The following PNCK variants were observed in gnomAD, a reference collection of about 807,000 sequenced individuals.
PNCK encodes the protein pregnancy up-regulated nonubiquitous CaM kinase.
In PNCK, 21 loss-of-function variants were observed where a neutral mutation model predicts 28.3. The ratio of observed to expected loss-of-function variants is 0.74; its 90% CI spans 0.53 to 1.07. The LOEUF is 1.07. PNCK is among the 50% of genes least tolerant of loss of function. The pLI, the probability that PNCK is intolerant of heterozygous loss-of-function variation, is 0.00. For synonymous variants in PNCK, 136 were observed against 125.2 expected, an observed-to-expected ratio of 1.09 and a Z score of -0.58; for missense variants, 250 against 298.3, an observed-to-expected ratio of 0.84 and a Z score of 1.19.
intron 1 of PNCK, among the ~76,000 whole-genome samples, chrX:153,680,301 A>G (rs1376495946): frequency 9.5e-6 from 1 of 105,056 alleles, no homozygotes; most frequent in East Asian, 3.0e-4. Flanking sequence ...TCCTCACAAT[A>G]ATGAGTGAGT....
At chrX:153,675,567 GC>G (rs34440507), upstream of PNCK, among the ~76,000 whole-genome samples, 3,139 of 111,146 alleles carry the variant, frequency 0.028, 117 homozygotes, top group African/African-American at 0.095. Flanking sequence ...TCTCACTGTC[GC>G]CCAGGCTGGA....
In PNCK at chrX:153,685,796, G is replaced by A. The variant is rs1183803966; in HGVS notation, c.-3+1635C>T. Among the ~76,000 whole-genome samples, 8 of 113,510 alleles carry A rather than the reference G, an allele frequency of 7.0e-5. No individual in the cohort carries two copies. In the Admixed American group the frequency reaches 7.4e-4, roughly 10 times the overall value. On this transcript the variant is annotated intron_variant, in intron 1 of 3. Coordinates refer to the PNCK transcript ENST00000419804. ...TCAGGAGGGTCCCTCTGGCTGCTCA[G>A]AGAATGCAGTTTGGGGTCTGGCCCA...
chrX:153,671,717 C>T (rs782517550), intron 5 of PNCK, 45 bp from the exon 6 acceptor site: 117 of 1,165,743 alleles, frequency 1.0e-4, no homozygotes, highest in Admixed American at 1.5e-4. Context: ...AGTCCTGACG[C>T]GGTGCCGGTG....
At position 153,672,889 on chromosome X, in the gene PNCK, T is replaced by TCA. The variant is rs782006845; in HGVS notation, c.68+118_68+119dup. The TCA allele has an allele frequency of 2.0e-4, 188 of 930,865 alleles. No individual in the cohort carries two copies. In the African/African-American group the frequency reaches 2.6e-3, roughly 13 times the overall value. 76.7% of individuals were successfully genotyped at this position (930,865 alleles called of 1,213,427 possible). A position where few individuals can be genotyped will look rare whatever the true frequency, so the allele number is the denominator to read the frequency against. ...CTCACATTCACACACCCCTACATATTCACACACACACACATCATCTCACAC... is the reference window on the plus strand; with the variant it reads ...CTCACATTCACACACCCCTACATATTCACACACACACACACATCATCTCACAC... On this transcript the variant is annotated intron_variant, in intron 2 of 11. Transcript: ENST00000340888.
upstream of PNCK, chrX:153,674,065 C>A (rs782792925): frequency 6.6e-6 from 8 of 1,206,672 alleles, no homozygotes; most frequent in East Asian, 2.4e-4. Flanking sequence ...GGCTGTCTCC[C>A]GGAGAGCTCT....
At chrX:153,675,746 G>A (rs1216417187), upstream of PNCK, among the ~76,000 whole-genome samples, 2 of 110,480 alleles carry the variant, frequency 1.8e-5, no homozygotes, top group African/African-American at 3.3e-5. Context: ...GGCTGGTCTC[G>A]AACTCCTGAC....
At position 153,670,650 on chromosome X, in the gene PNCK, C is replaced by G. The variant is rs2091283458; in HGVS notation, c.895-56G>C. The stretch of plus-strand genomic sequence containing the variant: ...CTGGGCCCAGGCCCCAGCCCCTAGA[C>G]TGTGAGGACTGCAGTGGTCACTGGG... On this transcript the variant is annotated intron_variant, in intron 10 of 11. Transcript: ENST00000340888. The G allele has an allele frequency of 3.3e-6, 4 of 1,194,564 alleles. No homozygotes were observed. The East Asian group carries it at 1.2e-4, about 36-fold the overall frequency.
Position 153,670,101 on chromosome X carries a change from G to A in PNCK, c.*37C>T. The stretch of plus-strand genomic sequence containing the variant: ...AAAGCATCCAAGGGAAGGAAATCTG[G>A]GGGTCAGTCCACTTGGCCTCGGCAT... On this transcript the variant is annotated 3_prime_UTR_variant, in exon 12 of 12. Transcript: ENST00000340888. The A allele has an allele frequency of 3.3e-6, 1 of 307,083 alleles. No homozygotes were observed. Among genetic ancestry groups the A allele is most frequent in the Admixed American group, 4.8e-5 (1 of 20,954 alleles). 25.3% of individuals were successfully genotyped at this position (307,083 alleles called of 1,213,427 possible). A position where few individuals can be genotyped will look rare whatever the true frequency, so the allele number is the denominator to read the frequency against.
chrX:153,683,934 C>G (rs2091405994), intron 1 of PNCK, among the ~76,000 whole-genome samples: 1 of 112,078 alleles, frequency 8.9e-6, no homozygotes, highest in Non-Finnish European at 1.9e-5. Context: ...GTGACATTAT[C>G]TACAGGAGTA....
intron 1 of PNCK, among the ~76,000 whole-genome samples, chrX:153,680,506 G>A (rs1394666426): frequency 3.7e-5 from 4 of 109,466 alleles, no homozygotes; most frequent in African/African-American, 1.4e-4. Flanking sequence ...CCAGAACCAT[G>A]AGCCAAAATA....
chrX:153,685,095 G>A (rs968159553), intron 1 of PNCK, among the ~76,000 whole-genome samples: 1 of 105,512 alleles, frequency 9.5e-6, no homozygotes, highest in Non-Finnish European at 2.0e-5. Flanking sequence ...CCTTCAGTGA[G>A]TAGAACACAA....
chrX:153,670,007 C>T lies in PNCK; in HGVS notation c.*131G>A, dbSNP rs782691176. 85 of 286,656 alleles carry T rather than the reference C, an allele frequency of 3.0e-4. 1 individual carries two copies. The East Asian group carries it at 7.4e-3, about 25-fold the overall frequency. 23.6% of individuals were successfully genotyped at this position (286,656 alleles called of 1,213,427 possible). The stretch of plus-strand genomic sequence containing the variant: ...GCCCCATTCCAACCCCAGCGCCATG[C>T]GCCACACCCTCAAATCTCAAAATCC... On this transcript the variant is annotated 3_prime_UTR_variant, in exon 12 of 12. Transcript: ENST00000340888.
intron 1 of PNCK, among the ~76,000 whole-genome samples, chrX:153,683,253 G>A (rs1451252924): frequency 9.1e-6 from 1 of 110,035 alleles, no homozygotes; most frequent in Non-Finnish European, 1.9e-5. Flanking sequence ...CGATTCTCCT[G>A]CCTCAGCCTC....
At position 153,670,468 on chromosome X, in the gene PNCK, G is replaced by A; in HGVS notation, c.1021C>T (p.Pro341Ser). ...SHSGLRAGQP[P>S]KW ...AACACACCTGGGCATCACCACTTGG[G>A]GGGCTGGCCAGCACGGAGGCCTGAG... The change falls in exon 11 of 12, where the codon CCC (proline) becomes TCC (serine). Residue 341 changes from proline to serine, a missense_variant. Transcript: ENST00000340888. 1 of 1,211,596 alleles carries A rather than the reference G, an allele frequency of 8.3e-7. No homozygotes were observed. Among genetic ancestry groups the A allele is most frequent in the Non-Finnish European group, 1.1e-6 (1 of 895,472 alleles).
chrX:153,683,281 C>G (rs2091403286), intron 1 of PNCK, among the ~76,000 whole-genome samples: 1 of 110,641 alleles, frequency 9.0e-6, no homozygotes, highest in Non-Finnish European at 1.9e-5. Flanking sequence ...GCTGGGATTA[C>G]AGGCCCGTGC....
chrX:153,673,295 C>T (rs201493480), intron 1 of PNCK: 2 of 1,185,884 alleles, frequency 1.7e-6, no homozygotes, highest in Middle Eastern at 2.3e-4. Context: ...TGCTATCCCA[C>T]GCACCCTCCC....
chrX:153,671,455 C>T (rs376511007), intron 6 of PNCK, 94 bp downstream of exon 6: 1 of 1,211,625 alleles, frequency 8.3e-7, no homozygotes, highest in Non-Finnish European at 1.1e-6. Flanking sequence ...CAGGAATGGC[C>T]CACACAAAGG....
chrX:153,682,284 G>A (rs990409210), intron 1 of PNCK, among the ~76,000 whole-genome samples: 3 of 109,150 alleles, frequency 2.7e-5, no homozygotes, highest in East Asian at 2.9e-4. Flanking sequence ...CCACCGCACC[G>A]GCCTGTTTTG....
chrX:153,674,558 C>T (rs140034503), upstream of PNCK: 987 of 143,423 alleles, frequency 6.9e-3, 11 homozygotes, highest in African/African-American at 0.029. Flanking sequence ...AAACCGGCCT[C>T]CCCCGCCCTG....
Sources: gnomAD v4.1 joint callset for allele counts (sites outside exome capture counted in the v4.1 genomes callset) on GRCh38, gnomAD v4.1.1 for gene constraint, MANE v1.5 for transcripts, NCBI Gene and HGNC (gene_info 2026-07-23, HGNC 2026-07-21) for gene names.